MPDZ: variants seen among roughly 807,000 people sequenced by gnomAD.
The protein encoded by MPDZ is multiple PDZ domain protein.
MPDZ carries 234 observed loss-of-function variants against 239.1 expected under a neutral mutation model. The observed-to-expected ratio is 0.98, with a 90% CI of 0.88 to 1.09. MPDZ has a LOEUF of 1.09. Ranked by LOEUF, MPDZ falls within the 50% of genes least tolerant of loss-of-function variation. MPDZ has a pLI of 0.00. For synonymous variants in MPDZ, 1,048 were observed against 881.3 expected (o/e 1.19, Z -3.35); for missense variants, 3,175 against 2,510.0 (o/e 1.26, Z -5.66).
At chr9:13,269,199 T>C (rs1212632788) in intron 1 of MPDZ, among the ~76,000 whole-genome samples, 1 of 152,176 alleles carries the variant, frequency 6.6e-6, no homozygotes, top group East Asian at 1.9e-4. Flanking sequence ...GATTTTAATC[T>C]GGGAAACTAG....
At chr9:13,216,724 A>G (rs1446824108) in intron 10 of MPDZ, 50 bp downstream of exon 10, 2 of 1,363,936 alleles carry the variant, frequency 1.5e-6, no homozygotes, top group South Asian at 2.5e-5. Flanking sequence ...AGGAGAATAC[A>G]ATTCTCAACC....
chr9:13,195,102 A>C (rs1289463815), intron 13 of MPDZ, among the ~76,000 whole-genome samples: 1 of 152,132 alleles, frequency 6.6e-6, no homozygotes, highest in Admixed American at 6.6e-5. Flanking sequence ...AGCCTGGGCA[A>C]CATGGCAAAA....
At position 13,198,737 on chromosome 9, in the gene MPDZ, C is replaced by CTCTCTCTGTG. The variant is rs755487892; in HGVS notation, c.1547-2508_1547-2507insCACAGAGAGA. Among the ~76,000 whole-genome samples, 127 of 69,788 alleles carry CTCTCTCTGTG rather than the reference C, an allele frequency of 1.8e-3. 2 individuals are homozygous for CTCTCTCTGTG. The highest frequency in any genetic ancestry group is 3.0e-3 in the Non-Finnish European group (105 of 34,498). The allele number at this position is 69,788 out of a possible 152,430, so 45.8% of individuals were successfully genotyped here. ...ATATTTAGGTCTTTAATCTCTCTCT[C>CTCTCTCTGTG]TGTGTGTGTGTGTGTGTGTGTGTGT... On this transcript the variant is annotated intron_variant, in intron 12 of 46. Coordinates refer to ENST00000319217, the MANE Select transcript of MPDZ (RefSeq NM_001378778.1).
In MPDZ at chr9:13,125,371, G is replaced by A. The variant is rs776432262; in HGVS notation, c.4652C>T (p.Thr1551Ile). The change falls in exon 35 of 47, where the codon ACA becomes ATA. Residue 1551 changes from threonine (T) to isoleucine (I), a missense_variant. By Grantham distance (89) the Thr-to-Ile change is moderately conservative. Coordinates refer to ENST00000319217, the MANE Select transcript of MPDZ (RefSeq NM_001378778.1). ...GGTAAGTTTTACTGTCATCTTTGCT[G>A]TCTTCAGAAGGCTAATAAACTGGCA... Reference protein sequence around the residue: ...PIEKFISLLKTAKMTVKLTIH... With the variant: ...PIEKFISLLKIAKMTVKLTIH... 4 of 1,613,632 alleles carry A rather than the reference G, an allele frequency of 2.5e-6. No homozygotes were observed. The Admixed American group carries it at 6.7e-5, about 27-fold the overall frequency.
In MPDZ at chr9:13,105,942, A is replaced by G. The variant is rs1350395920; in HGVS notation, c.*1023T>C. ...TCCCTTAGTCTTAAACTATTGTATTATAAGATGTTAATATAAGTCAATGAA... is the reference window on the plus strand; with the variant it reads ...TCCCTTAGTCTTAAACTATTGTATTGTAAGATGTTAATATAAGTCAATGAA... On this transcript the variant is annotated 3_prime_UTR_variant, in exon 47 of 47. Transcript: ENST00000319217. 6.6e-6 allele frequency: 1 copy of G among 152,190 alleles called. No homozygotes were observed. The allele number at this position is 152,190 out of a possible 1,614,324, so 9.4% of individuals were successfully genotyped here. A position where few individuals can be genotyped will look rare whatever the true frequency, so the allele number is the denominator to read the frequency against.
intron 6 of MPDZ, among the ~76,000 whole-genome samples, 166 bp downstream of exon 6, chr9:13,222,067 C>A (rs1478163394): frequency 2.0e-5 from 3 of 152,030 alleles, no homozygotes; most frequent in Non-Finnish European, 4.4e-5. Context: ...AACTTAGAAG[C>A]TTTATCATGC....
chr9:13,266,659 G>C (rs1204123305), intron 1 of MPDZ, among the ~76,000 whole-genome samples: 1 of 152,106 alleles, frequency 6.6e-6, no homozygotes. Flanking sequence ...GAGAGTCAAA[G>C]AAAATACTAT....
At chr9:13,241,871 T>C (rs1156387748) in intron 3 of MPDZ, among the ~76,000 whole-genome samples, 3 of 152,186 alleles carry the variant, frequency 2.0e-5, no homozygotes, top group Non-Finnish European at 4.4e-5. Context: ...AGACATGTCC[T>C]GGTATAGTGT....
chr9:13,109,319 A>C (rs1942022378), intron 45 of MPDZ, among the ~76,000 whole-genome samples: 1 of 152,106 alleles, frequency 6.6e-6, no homozygotes, highest in Admixed American at 6.6e-5. Context: ...TAACATATTC[A>C]TGGCATGTTC....
intron 1 of MPDZ, among the ~76,000 whole-genome samples, chr9:13,269,594 T>C (rs1171512235): frequency 6.6e-6 from 1 of 152,192 alleles, no homozygotes; most frequent in Non-Finnish European, 1.5e-5. Context: ...GTACCTCTAG[T>C]GCTTCTGTTA....
intron 3 of MPDZ, among the ~76,000 whole-genome samples, chr9:13,231,416 A>C (rs149808072): frequency 6.6e-6 from 1 of 152,084 alleles, no homozygotes; most frequent in East Asian, 1.9e-4. Flanking sequence ...AAATACAAAA[A>C]ATTAGCTGAG....
At chr9:13,248,527 C>G (rs925265199) in intron 2 of MPDZ, among the ~76,000 whole-genome samples, 2 of 152,000 alleles carry the variant, frequency 1.3e-5, no homozygotes, top group Non-Finnish European at 2.9e-5. Flanking sequence ...AAACCTTTCC[C>G]TGAAACACAA....
In MPDZ at chr9:13,110,637, T is replaced by A. The variant is rs75560250; in HGVS notation, c.5828A>T (p.Gln1943Leu). ...TTATGCTTGGGATAAAAATCTTACC[T>A]GCATTTCAATGGAGCCAGATGCATT... ...LKNASGSIEM[Q>L]VVAGGDVSVV... is the part of the protein sequence containing the mutation. The change falls in exon 44 of 47, where the codon CAG (glutamine) becomes CTG (leucine). Residue 1943 changes from glutamine (Q) to leucine (L), a missense_variant and splice_region_variant. By Grantham distance (113) the Gln-to-Leu change is moderately radical. Coordinates refer to ENST00000319217, the MANE Select transcript of MPDZ (RefSeq NM_001378778.1). 42 of 1,612,290 alleles carry A rather than the reference T, an allele frequency of 2.6e-5. No individual in the cohort carries two copies. In the Middle Eastern group the frequency reaches 5.0e-4, roughly 19 times the overall value.
chr9:13,117,698 T>C (rs1943691356), intron 39 of MPDZ, among the ~76,000 whole-genome samples: 1 of 152,230 alleles, frequency 6.6e-6, no homozygotes, highest in Non-Finnish European at 1.5e-5. Flanking sequence ...TGAGGAACTT[T>C]ACGTGCATGA....
chr9:13,261,297 G>A (rs948354111), intron 1 of MPDZ, among the ~76,000 whole-genome samples: 3 of 152,126 alleles, frequency 2.0e-5, no homozygotes, highest in South Asian at 2.1e-4. Context: ...GGAAAATAGA[G>A]TAACTGGTCC....
chr9:13,240,431 A>G (rs1370582102), intron 3 of MPDZ, among the ~76,000 whole-genome samples: 3 of 151,950 alleles, frequency 2.0e-5, no homozygotes, highest in Non-Finnish European at 4.4e-5. Flanking sequence ...TTTATAGGAC[A>G]TGGCATATTT....
chr9:13,113,835 A>AT (rs1942911952), intron 41 of MPDZ, 96 bp downstream of exon 41: 1 of 948,598 alleles, frequency 1.1e-6, no homozygotes, highest in Middle Eastern at 2.3e-4. Context: ...ATATGGGATG[A>AT]TTTGGGGGAA....
At chr9:13,268,309 G>A (rs914698452) in intron 1 of MPDZ, among the ~76,000 whole-genome samples, 3 of 151,974 alleles carry the variant, frequency 2.0e-5, no homozygotes, top group Non-Finnish European at 4.4e-5. Flanking sequence ...CATGTGTATA[G>A]AAAGATTTAG....
chr9:13,131,454 G>T (rs1945985385), intron 32 of MPDZ, among the ~76,000 whole-genome samples: 1 of 152,144 alleles, frequency 6.6e-6, no homozygotes, highest in South Asian at 2.1e-4. Context: ...GTGAGACCCA[G>T]ACAAGTTAAA....
Sources: allele counts gnomAD v4.1 joint callset (sites outside exome capture counted in the v4.1 genomes callset), GRCh38; gene constraint gnomAD v4.1.1; transcripts MANE v1.5; gene names NCBI Gene and HGNC (gene_info 2026-07-23, HGNC 2026-07-21).